Variants in DAPK1 observed in about 807,000 individuals in gnomAD.
DAPK1 encodes death-associated protein kinase 1.
DAPK1 carries 56 observed loss-of-function variants against 144.9 expected under a neutral mutation model. The ratio of observed to expected loss-of-function variants is 0.39; its 90% CI spans 0.31 to 0.48. The LOEUF (loss-of-function observed/expected upper bound fraction) is 0.48. DAPK1 is among the 20% of genes least tolerant of loss of function. The pLI, the probability that DAPK1 is intolerant of heterozygous loss-of-function variation, is 0.95. For missense variants in DAPK1, 1,454 were observed against 1,875.4 expected (o/e 0.78, Z 4.15); for synonymous variants, 690 against 749.0 (o/e 0.92, Z 1.29).
chr9:87,681,299 T>C lies in DAPK1; in HGVS notation c.2002-105T>C. 8.5e-6 allele frequency: 5 copies of C among 589,488 alleles called. No individual in the cohort carries two copies. In the South Asian group the frequency reaches 1.1e-4, roughly 13 times the overall value. The allele number at this position is 589,488 out of a possible 1,614,324, so 36.5% of individuals were successfully genotyped here. ...GTCTCAAAAAAGAAAAAAAGAAACA[T>C]ATCTTCAGCATGGGTAAAAACTGCA... On this transcript the variant is annotated intron_variant, in intron 19 of 25. Coordinates refer to ENST00000408954, the MANE Select transcript of DAPK1 (RefSeq NM_004938.4).
chr9:87,656,352 G>A (rs1471837325), intron 17 of DAPK1, among the ~76,000 whole-genome samples: 1 of 152,108 alleles, frequency 6.6e-6, no homozygotes, highest in Non-Finnish European at 1.5e-5. Flanking sequence ...GTCCCAACCT[G>A]GGCCCTTCAA....
At chr9:87,533,181 G>A (rs1030171974) in intron 2 of DAPK1, among the ~76,000 whole-genome samples, 2 of 152,182 alleles carry the variant, frequency 1.3e-5, no homozygotes, top group East Asian at 1.9e-4. Context: ...ATACACATGC[G>A]TGTGTGTGGA....
chr9:87,543,649 G>T (rs1468861469), intron 2 of DAPK1, among the ~76,000 whole-genome samples: 1 of 152,092 alleles, frequency 6.6e-6, no homozygotes, highest in Non-Finnish European at 1.5e-5. Flanking sequence ...TTTGTGAGCT[G>T]GATAAGGTAA....
In DAPK1 at chr9:87,535,343, G is replaced by A. The variant is rs36231149; in HGVS notation, c.62+36204G>A. ...TGCTCTATCACACTAGTGTTTTTTAGATTTATTTTAGTGTTTAATTCTAGT... is the reference window on the plus strand; with the variant it reads ...TGCTCTATCACACTAGTGTTTTTTAAATTTATTTTAGTGTTTAATTCTAGT... On this transcript the variant is annotated intron_variant, in intron 2 of 25. Transcript: ENST00000408954. Among the ~76,000 whole-genome samples, 1,381 of 152,166 alleles carry A rather than the reference G, an allele frequency of 9.1e-3. 20 individuals carry two copies. Among genetic ancestry groups the A allele is most frequent in the African/African-American group, 0.032 (1,319 of 41,516 alleles).
intron 19 of DAPK1, among the ~76,000 whole-genome samples, chr9:87,671,883 C>G (rs566365336): frequency 6.6e-6 from 1 of 152,066 alleles, no homozygotes; most frequent in Non-Finnish European, 1.5e-5. Flanking sequence ...AGTGAAAAGT[C>G]CCCCCTCATC....
chr9:87,518,594 A>G (rs1181198879), intron 2 of DAPK1, among the ~76,000 whole-genome samples: 1 of 152,026 alleles, frequency 6.6e-6, no homozygotes, highest in Non-Finnish European at 1.5e-5. Flanking sequence ...TAGGATGGTA[A>G]TTTCTGGAAA....
intron 2 of DAPK1, among the ~76,000 whole-genome samples, chr9:87,593,149 A>G (rs775657679): frequency 6.6e-6 from 1 of 152,218 alleles, no homozygotes; most frequent in Non-Finnish European, 1.5e-5. Context: ...CAGTCTCCAG[A>G]GCAGGACAGA....
At chr9:87,699,018 T>C (rs1240553281) in intron 23 of DAPK1, among the ~76,000 whole-genome samples, 1 of 152,244 alleles carries the variant, frequency 6.6e-6, no homozygotes, top group Non-Finnish European at 1.5e-5. Context: ...TTTTAATATA[T>C]GTACATATAC....
chr9:87,627,859 C>T (rs750488444), intron 3 of DAPK1, among the ~76,000 whole-genome samples: 17 of 152,136 alleles, frequency 1.1e-4, no homozygotes, highest in Admixed American at 1.3e-4. Context: ...AGGATTGCTG[C>T]GGGGAATATT....
Position 87,706,348 on chromosome 9 carries a change from C to T in DAPK1, c.3277C>T (p.Arg1093Trp), listed in dbSNP as rs773488770. Residue 1093 changes from arginine (R) to tryptophan (W), a missense_variant, in exon 26 of 26, where the codon CGG (arginine) becomes TGG (tryptophan). Around this residue, in one of 2 missense-constraint regions of DAPK1, gnomAD observed 1,025 missense variants for 1,237.9 expected, o/e 0.83. Coordinates refer to ENST00000408954, the MANE Select transcript of DAPK1 (RefSeq NM_004938.4). This position sits in a 1 kb window ranked among gnomAD's most constrained non-coding sequence, Gnocchi z 9.0. Reference sequence around the variant, plus strand: ...CCTCGATGCCATGGACATCTGCGCCCGGGACCTGAGCAGCGGGACCATGGT... The same window carrying T: ...CCTCGATGCCATGGACATCTGCGCCTGGGACCTGAGCAGCGGGACCATGGT... ...QILDAMDICA[R>W]DLSSGTMVDV... is the part of the protein sequence containing the mutation. 3.1e-5 allele frequency: 50 copies of T among 1,607,614 alleles called. No individual in the cohort carries two copies. The highest frequency in any genetic ancestry group is 1.3e-4 in the South Asian group (12 of 90,160).
chr9:87,501,502 G>A (rs147074383), intron 2 of DAPK1, among the ~76,000 whole-genome samples: 319 of 152,014 alleles, frequency 2.1e-3, no homozygotes, highest in African/African-American at 7.5e-3. Context: ...TGGAGATCGC[G>A]CCACTGCCCT....
At chr9:87,658,419 T>TG (rs1830709716) in intron 18 of DAPK1, among the ~76,000 whole-genome samples, 1 of 152,100 alleles carries the variant, frequency 6.6e-6, no homozygotes, top group East Asian at 1.9e-4. Context: ...CCCTGCATGG[T>TG]GGGGTGTGTG....
At chr9:87,564,464 A>G (rs1478708850) in intron 2 of DAPK1, among the ~76,000 whole-genome samples, 1 of 151,960 alleles carries the variant, frequency 6.6e-6, no homozygotes, top group Non-Finnish European at 1.5e-5. Flanking sequence ...TTTATGAACA[A>G]TGGAAGTTTA....
intron 2 of DAPK1, among the ~76,000 whole-genome samples, chr9:87,597,546 A>T (rs2118919117): frequency 6.6e-6 from 1 of 152,226 alleles, no homozygotes; most frequent in East Asian, 1.9e-4. Flanking sequence ...AAGCTTAGAC[A>T]GCTTGGTAAT....
In DAPK1 at chr9:87,666,116, C is replaced by T. The variant is rs1446534128; in HGVS notation, c.1924-2481C>T. Among the ~76,000 whole-genome samples, 4 of 152,316 alleles carry T rather than the reference C, an allele frequency of 2.6e-5. No individual in the cohort carries two copies. The East Asian group carries it at 5.8e-4, about 22-fold the overall frequency. The stretch of plus-strand genomic sequence containing the variant: ...CAGGTAGTTAGGGCAATTCTCAGCT[C>T]TTCTGTGAATAATTTCCAACACTGC... On this transcript the variant is annotated intron_variant, in intron 18 of 25. Coordinates refer to ENST00000408954, the MANE Select transcript of DAPK1 (RefSeq NM_004938.4).
chr9:87,642,415 G>A (rs922036253), intron 10 of DAPK1, among the ~76,000 whole-genome samples: 1 of 152,100 alleles, frequency 6.6e-6, no homozygotes, highest in Non-Finnish European at 1.5e-5. Flanking sequence ...TTACATTTGT[G>A]CTGTACCTTG....
chr9:87,680,751 A>C lies in DAPK1; in HGVS notation c.2002-653A>C, dbSNP rs36217788. 6.4e-3 allele frequency among the ~76,000 whole-genome samples: 982 copies of C among 152,294 alleles called. 7 individuals carry two copies. Among genetic ancestry groups the C allele is most frequent in the Non-Finnish European group, 9.5e-3 (645 of 68,026 alleles). On this transcript the variant is annotated intron_variant, in intron 19 of 25. Transcript: ENST00000408954. ...GAAATAGGCAGATTCTTAGAGACAGAAAACATCTCTATGGTTGCCAGGGGC... is the reference window on the plus strand; with the variant it reads ...GAAATAGGCAGATTCTTAGAGACAGCAAACATCTCTATGGTTGCCAGGGGC...
intron 2 of DAPK1, among the ~76,000 whole-genome samples, chr9:87,595,104 C>G (rs1229863480): frequency 6.6e-6 from 1 of 152,214 alleles, no homozygotes; most frequent in Non-Finnish European, 1.5e-5. Flanking sequence ...GCCCGTTTAA[C>G]TGGGAGAGAG....
chr9:87,664,172 C>T lies in DAPK1; in HGVS notation c.1924-4425C>T, dbSNP rs549909543. Among the ~76,000 whole-genome samples the T allele has an allele frequency of 1.4e-4, 21 of 152,218 alleles. No homozygotes were observed. In the East Asian group the frequency reaches 4.1e-3, roughly 29 times the overall value. On this transcript the variant is annotated intron_variant, in intron 18 of 25. Transcript: ENST00000408954. Reference sequence around the variant, plus strand: ...GGCTCCTCTGCCTTCAGGATGTGAACTCTGCAGCCTCTGCCCAGCCTCCCC... The same window carrying T: ...GGCTCCTCTGCCTTCAGGATGTGAATTCTGCAGCCTCTGCCCAGCCTCCCC...
Sources: gnomAD v4.1 joint callset for allele counts (sites outside exome capture counted in the v4.1 genomes callset) on GRCh38, gnomAD v4.1.1 for gene constraint, gnomAD v4.1.1 regional missense constraint, Gnocchi (gnomAD v3.1) non-coding constraint, MANE v1.5 for transcripts, NCBI Gene and HGNC (gene_info 2026-07-23, HGNC 2026-07-21) for gene names.